Variants in C2orf80 observed in about 807,000 individuals in gnomAD.
The protein encoded by C2orf80 is uncharacterized protein C2orf80.
A neutral mutation model predicts 30.2 loss-of-function variants in C2orf80; 28 were observed. The ratio of observed to expected loss-of-function variants is 0.93; its 90% confidence interval spans 0.69 to 1.27. C2orf80 has a LOEUF of 1.27. C2orf80 is among the 50% of genes most tolerant of loss of function. The pLI is 0.00. For missense variants in C2orf80, 220 were observed against 231.0 expected, an observed-to-expected ratio of 0.95 and a Z score of 0.31; for synonymous variants, 80 against 76.4, an observed-to-expected ratio of 1.05 and a Z score of -0.24.
chr2:208,181,412 T>C (rs1696555524), intron 4 of C2orf80, 107 bp from the exon 5 acceptor site: 1 of 644,110 alleles, frequency 1.6e-6, no homozygotes, highest in Non-Finnish European at 2.7e-6. Context: ...CTGTGTGCTA[T>C]CTGCTTATTT....
chr2:208,166,915 G>T (rs908668800), intron 8 of C2orf80, among the ~76,000 whole-genome samples: 6 of 152,166 alleles, frequency 3.9e-5, no homozygotes, highest in African/African-American at 1.2e-4. Context: ...TTCCCAAAGT[G>T]CTGGGATTAC....
chr2:208,166,426 TA>T (rs35548052), intron 8 of C2orf80, among the ~76,000 whole-genome samples: 1 of 152,216 alleles, frequency 6.6e-6, no homozygotes, highest in Non-Finnish European at 1.5e-5. Flanking sequence ...ATTTTTACAT[TA>T]AAAAGTTATA....
chr2:208,170,861 G>A, intron 8 of C2orf80, 84 bp downstream of exon 8: 4 of 1,094,120 alleles, frequency 3.7e-6, no homozygotes, highest in Non-Finnish European at 5.6e-6. Context: ...TGACTCCAAA[G>A]GCTAGACTTT....
Position 208,186,805 on chromosome 2 carries a change from C to T in C2orf80, c.41+141G>A, listed in dbSNP as rs568017788. On this transcript the variant is annotated intron_variant, in intron 2 of 8. Coordinates refer to ENST00000341287, the MANE Select transcript of C2orf80 (RefSeq NM_001099334.3). ...TCCCTGGCAGGAAACCGAGAGAGGCCAGATCATCCTCTGGTTTTCTCCTAC... is the reference window on the plus strand; with the variant it reads ...TCCCTGGCAGGAAACCGAGAGAGGCTAGATCATCCTCTGGTTTTCTCCTAC... The T allele has an allele frequency of 6.9e-5, 52 of 753,106 alleles. 1 individual carries two copies. Among genetic ancestry groups the T allele is most frequent in the South Asian group, 1.3e-4 (8 of 59,308 alleles). 46.7% of individuals were successfully genotyped at this position (753,106 alleles called of 1,614,324 possible). A position where few individuals can be genotyped will look rare whatever the true frequency, so the allele number is the denominator to read the frequency against.
In C2orf80 at chr2:208,165,586, T is replaced by G; in HGVS notation, c.*221A>C. The G allele has an allele frequency of 2.0e-6, 1 of 499,674 alleles. No individual in the cohort carries two copies. Among genetic ancestry groups the G allele is most frequent in the South Asian group, 2.9e-5 (1 of 34,718 alleles). The allele number at this position is 499,674 out of a possible 1,614,324, so 31.0% of individuals were successfully genotyped here. ...TTCTCCAGCAGTCTTCCAGTCACAA[T>G]GAAGTAGCATAAGGTCACAGTTTTT... On this transcript the variant is annotated 3_prime_UTR_variant, in exon 9 of 9. Transcript: ENST00000341287.
Position 208,176,955 on chromosome 2 carries a change from GTA to G in C2orf80, c.366+3788_366+3789del, listed in dbSNP as rs1559340558. On this transcript the variant is annotated intron_variant, in intron 6 of 8. Transcript: ENST00000341287. ...TGTATACATATCTGTATACATATCT[GTA>G]TACATATGTATACATATATACAGAA... Among the ~76,000 whole-genome samples, 21 of 64,098 alleles carry G rather than the reference GTA, an allele frequency of 3.3e-4. 1 individual carries two copies. The highest frequency in any genetic ancestry group is 5.0e-4 in the Non-Finnish European group (13 of 25,746). The allele number at this position is 64,098 out of a possible 152,430, so 42.1% of individuals were successfully genotyped here.
intron 6 of C2orf80, among the ~76,000 whole-genome samples, chr2:208,173,950 CTATTAT>C (rs1196929542): frequency 6.6e-6 from 1 of 151,814 alleles, no homozygotes; most frequent in Non-Finnish European, 1.5e-5. Flanking sequence ...CCCTCATTTA[CTATTAT>C]TATTATTAAT....
chr2:208,170,961 G>A lies in C2orf80; in HGVS notation c.557C>T (p.Thr186Ile). The A allele has an allele frequency of 6.2e-7, 1 of 1,613,826 alleles. No homozygotes were observed. Among genetic ancestry groups the A allele is most frequent in the Non-Finnish European group, 8.5e-7 (1 of 1,179,708 alleles). ...EWKSSQRFSD[T>I]QPKHKVT is the part of the protein sequence containing the mutation. ...CACACCTACTTTGTGCTTTGGCTGT[G>A]TGTCTGAAAACCTTTGTGATGATTT... Residue 186 changes from threonine to isoleucine, a missense_variant, in exon 8 of 9, where the codon ACA (threonine) becomes ATA (isoleucine). Transcript: ENST00000341287.
chr2:208,185,428 T>A (rs1463896418), intron 2 of C2orf80, among the ~76,000 whole-genome samples: 3 of 152,230 alleles, frequency 2.0e-5, no homozygotes, highest in Non-Finnish European at 2.9e-5. Flanking sequence ...TCCAGATATA[T>A]AAAATTCTGT....
rs572361837 is a variant in C2orf80 at position 208,187,021 on chromosome 2, G to A, written c.-35C>T. On this transcript the variant is annotated 5_prime_UTR_variant, in exon 2 of 9. Coordinates refer to ENST00000341287, the MANE Select transcript of C2orf80 (RefSeq NM_001099334.3). The stretch of plus-strand genomic sequence containing the variant: ...TTAGCCAGCTGAGCAGGTATCTGCA[G>A]CTAACACTACACTTAGACCCAGCTT... 79 of 1,609,152 alleles carry A rather than the reference G, an allele frequency of 4.9e-5. No individual in the cohort carries two copies. In the African/African-American group the frequency reaches 8.5e-4, roughly 17 times the overall value.
intron 8 of C2orf80, chr2:208,168,299 A>T: frequency 4.1e-6 from 1 of 246,844 alleles, no homozygotes. Flanking sequence ...TTTTCATTTT[A>T]TATTTTTTGT....
At position 208,189,899 on chromosome 2, in the gene C2orf80, G is replaced by C. The variant is rs901937758; in HGVS notation, c.-76+54C>G. 2.3e-4 allele frequency: 163 copies of C among 702,348 alleles called. 1 individual carries two copies. The South Asian group carries it at 2.4e-3, about 10-fold the overall frequency. The allele number at this position is 702,348 out of a possible 1,614,324, so 43.5% of individuals were successfully genotyped here. A position where few individuals can be genotyped will look rare whatever the true frequency, so the allele number is the denominator to read the frequency against. On this transcript the variant is annotated intron_variant, in intron 1 of 8. Coordinates refer to ENST00000341287, the MANE Select transcript of C2orf80 (RefSeq NM_001099334.3). ...CTGCAATCGTGGTACAGGTCTCTCGGGCTGTTCTATTAAGTGCCTGCTCTT... is the reference window on the plus strand; with the variant it reads ...CTGCAATCGTGGTACAGGTCTCTCGCGCTGTTCTATTAAGTGCCTGCTCTT...
chr2:208,189,107 T>C (rs1465773978), intron 1 of C2orf80, among the ~76,000 whole-genome samples: 3 of 152,228 alleles, frequency 2.0e-5, no homozygotes, highest in African/African-American at 7.2e-5. Context: ...CTGGCATGCA[T>C]TAAAATTCTT....
chr2:208,184,862 C>T (rs1696666929), intron 3 of C2orf80, 89 bp downstream of exon 3: 4 of 1,067,340 alleles, frequency 3.7e-6, no homozygotes, highest in Middle Eastern at 2.2e-4. Flanking sequence ...CAATATTAGC[C>T]TTGTTTATTG....
intron 6 of C2orf80, among the ~76,000 whole-genome samples, chr2:208,177,640 T>TAG (rs754464800): frequency 2.0e-4 from 30 of 152,038 alleles, no homozygotes; most frequent in Non-Finnish European, 4.0e-4. Flanking sequence ...TCTTTCTGTT[T>TAG]AGAGCTGGTT....
chr2:208,177,092 A>T (rs1696377097), intron 6 of C2orf80, among the ~76,000 whole-genome samples: 1 of 136,482 alleles, frequency 7.3e-6, no homozygotes, highest in Non-Finnish European at 1.5e-5. Context: ...ATGTATACAT[A>T]TATAGTAGTA....
At chr2:208,166,873 A>G (rs1695912240) in intron 8 of C2orf80, among the ~76,000 whole-genome samples, 1 of 151,926 alleles carries the variant, frequency 6.6e-6, no homozygotes, top group Non-Finnish European at 1.5e-5. Flanking sequence ...GATGGTCTTG[A>G]TCTCCTGACC....
At chr2:208,185,095 G>T in intron 2 of C2orf80, 63 bp from the exon 3 acceptor site, 2 of 1,299,434 alleles carry the variant, frequency 1.5e-6, no homozygotes, top group Admixed American at 2.0e-5. Flanking sequence ...GCAGAAAAAG[G>T]CTTTTTTTTT....
At chr2:208,178,704 A>G (rs765678753) in intron 6 of C2orf80, among the ~76,000 whole-genome samples, 19 of 152,024 alleles carry the variant, frequency 1.2e-4, no homozygotes, top group Non-Finnish European at 2.8e-4. Flanking sequence ...GCTTGAGCCC[A>G]GGAGTTCAAG....
Sources: allele counts gnomAD v4.1 joint callset (sites outside exome capture counted in the v4.1 genomes callset), GRCh38; gene constraint gnomAD v4.1.1; transcripts MANE v1.5; gene names NCBI Gene and HGNC (gene_info 2026-07-23, HGNC 2026-07-21).